DPP10: variants seen among roughly 807,000 people sequenced by gnomAD.
The protein encoded by DPP10 is inactive dipeptidyl peptidase 10.
In DPP10, 33 loss-of-function variants were observed where a neutral mutation model predicts 120.9. That is an observed-to-expected ratio of 0.27 (90% CI 0.21 to 0.37). The LOEUF is 0.37. Among genes scored for constraint, DPP10 ranks in the 10% least tolerant of loss-of-function variants. The pLI, the probability that DPP10 is intolerant of heterozygous loss-of-function variation, is 1.00. For missense variants in DPP10, 816 were observed against 942.8 expected (o/e 0.87, Z 1.76); for synonymous variants, 337 against 326.1 (o/e 1.03, Z -0.36).
intron 1 of DPP10, among the ~76,000 whole-genome samples, chr2:114,595,071 AG>A (rs1487687865): frequency 1.3e-5 from 2 of 152,056 alleles, no homozygotes; most frequent in African/African-American, 4.8e-5. Context: ...ATCTGGTCAT[AG>A]GGGAAAAGAA....
intron 2 of DPP10, among the ~76,000 whole-genome samples, chr2:115,331,008 A>G (rs1057149586): frequency 6.6e-6 from 1 of 152,070 alleles, no homozygotes; most frequent in Non-Finnish European, 1.5e-5. Context: ...TCTATAAATT[A>G]CCTTGGGCAG....
intron 1 of DPP10, among the ~76,000 whole-genome samples, chr2:114,446,115 C>T (rs1014161964): frequency 5.3e-5 from 8 of 152,154 alleles, no homozygotes; most frequent in Non-Finnish European, 8.8e-5. Context: ...TTATTATAAA[C>T]GTGATTTCTG....
chr2:115,180,079 CA>C (rs1338553131), intron 1 of DPP10, among the ~76,000 whole-genome samples: 1 of 152,056 alleles, frequency 6.6e-6, no homozygotes, highest in South Asian at 2.1e-4. Context: ...TCTTTTAACA[CA>C]AAGAAGAAAC....
chr2:115,043,875 A>C lies in DPP10; in HGVS notation c.61-265364A>C, dbSNP rs540665758. Among the ~76,000 whole-genome samples, 56 of 152,254 alleles carry C rather than the reference A, an allele frequency of 3.7e-4. No individual in the cohort carries two copies. The South Asian group carries it at 8.1e-3, about 22-fold the overall frequency. On this transcript the variant is annotated intron_variant, in intron 1 of 25. Coordinates refer to ENST00000410059, the MANE Select transcript of DPP10 (RefSeq NM_020868.6). ...TTAACAGGTGAAGAGCAGAGGCAGT[A>C]ATTTTTTAAAAAATTTTTCTAATTT...
intron 3 of DPP10, among the ~76,000 whole-genome samples, chr2:115,452,605 A>G (rs563013081): frequency 3.3e-5 from 5 of 151,910 alleles, no homozygotes; most frequent in African/African-American, 4.8e-5. Flanking sequence ...CTTCCCCAGC[A>G]TTTCCCAGTC....
At chr2:115,693,369 T>C (rs1264066844) in intron 7 of DPP10, among the ~76,000 whole-genome samples, 1 of 152,036 alleles carries the variant, frequency 6.6e-6, no homozygotes, top group Admixed American at 6.6e-5. Context: ...CCTGTTTCAC[T>C]CTGATGTTGT....
At chr2:114,840,454 T>C (rs1389945239) in intron 1 of DPP10, among the ~76,000 whole-genome samples, 1 of 152,094 alleles carries the variant, frequency 6.6e-6, no homozygotes, top group Non-Finnish European at 1.5e-5. Context: ...CTGTGACCCA[T>C]TCGCTTTTCA....
At chr2:115,046,742 A>G (rs1705099997) in intron 1 of DPP10, among the ~76,000 whole-genome samples, 1 of 152,092 alleles carries the variant, frequency 6.6e-6, no homozygotes, top group African/African-American at 2.4e-5. Context: ...ATTAACTTAA[A>G]TGTACAGAGG....
intron 1 of DPP10, among the ~76,000 whole-genome samples, chr2:114,687,015 A>C (rs1052913589): frequency 1.3e-5 from 2 of 152,000 alleles, no homozygotes; most frequent in Non-Finnish European, 2.9e-5. Context: ...GTTTAACCAC[A>C]TCTCAGACAT....
At chr2:115,318,288 A>C (rs898400470) in intron 2 of DPP10, among the ~76,000 whole-genome samples, 1 of 152,080 alleles carries the variant, frequency 6.6e-6, no homozygotes, top group Non-Finnish European at 1.5e-5. Flanking sequence ...ATTCATCTCT[A>C]TATCTGTCCT....
intron 7 of DPP10, among the ~76,000 whole-genome samples, chr2:115,690,619 G>T (rs1419674406): frequency 1.3e-5 from 2 of 151,976 alleles, no homozygotes; most frequent in African/African-American, 2.4e-5. Context: ...TACCATGTTG[G>T]CCAGGCTGAT....
rs930608070 is a variant in DPP10 at position 114,581,844 on chromosome 2, G to A, written c.60+139006G>A. Among the ~76,000 whole-genome samples, 3 of 152,138 alleles carry A rather than the reference G, an allele frequency of 2.0e-5. No homozygotes were observed. The East Asian group carries it at 5.8e-4, about 29-fold the overall frequency. On this transcript the variant is annotated intron_variant, in intron 1 of 25. Transcript: ENST00000410059. ...TAGGTTTACAGAAAAACTGAATGGG[G>A]CACACAGGGAGTATGCATATATCTG...
intron 3 of DPP10, among the ~76,000 whole-genome samples, chr2:115,472,482 T>G (rs2074795059): frequency 6.6e-6 from 1 of 152,212 alleles, no homozygotes; most frequent in East Asian, 1.9e-4. Context: ...AATGAGATTT[T>G]TTTTATTTCT....
At chr2:115,687,231 A>G (rs531781023) in intron 5 of DPP10, among the ~76,000 whole-genome samples, 2 of 152,070 alleles carry the variant, frequency 1.3e-5, no homozygotes, top group South Asian at 4.1e-4. Context: ...AGAGAGAAAG[A>G]GAGATAGAAA....
chr2:115,603,397 A>G (rs2083472420), intron 5 of DPP10, among the ~76,000 whole-genome samples: 1 of 135,698 alleles, frequency 7.4e-6, no homozygotes, highest in Non-Finnish European at 1.5e-5. Flanking sequence ...GGCAGTGACC[A>G]GGAAAATAGG....
rs184872663 is a variant in DPP10, at chr2:115,841,217, T to C, written c.2256+394T>C. 3.6e-4 allele frequency among the ~76,000 whole-genome samples: 54 copies of C among 151,972 alleles called. 1 individual carries two copies. Among genetic ancestry groups the C allele is most frequent in the Admixed American group, 1.5e-3 (23 of 15,288 alleles). On this transcript the variant is annotated intron_variant, in intron 25 of 25. Coordinates refer to ENST00000410059, the MANE Select transcript of DPP10 (RefSeq NM_020868.6). ...TTAAATATGAGAGTTTATTATTAAT[T>C]TATTTTTAAATATGATAATTTATAA... is the stretch of plus-strand genomic sequence containing the variant.
At chr2:114,927,318 GT>G (rs11450458) in intron 1 of DPP10, among the ~76,000 whole-genome samples, 25 of 147,082 alleles carry the variant, frequency 1.7e-4, no homozygotes, top group East Asian at 1.0e-3. Context: ...ATTTAGAAAG[GT>G]TTTTTTTTTT....
chr2:114,890,783 T>G (rs926655630), intron 1 of DPP10, among the ~76,000 whole-genome samples: 2 of 152,230 alleles, frequency 1.3e-5, no homozygotes, highest in Non-Finnish European at 2.9e-5. Flanking sequence ...TTGAGAATTG[T>G]CTATGTTTAG....
At chr2:115,463,896 C>T (rs1236719173) in intron 3 of DPP10, among the ~76,000 whole-genome samples, 2 of 152,094 alleles carry the variant, frequency 1.3e-5, no homozygotes, top group Non-Finnish European at 1.5e-5. Flanking sequence ...TTTTTTTCTC[C>T]TATATTCCTG....
Sources: allele counts gnomAD v4.1 joint callset (sites outside exome capture counted in the v4.1 genomes callset), GRCh38; gene constraint gnomAD v4.1.1; transcripts MANE v1.5; gene names NCBI Gene and HGNC (gene_info 2026-07-23, HGNC 2026-07-21).